Variants in DIPK1C observed in about 807,000 individuals in gnomAD.
DIPK1C encodes the protein familial non-conventional Alzheimer's dementia.
DIPK1C carries 33 observed loss-of-function variants against 28.0 expected under a neutral mutation model. The observed-to-expected ratio is 1.18, with a 90% CI of 0.89 to 1.58. The LOEUF (loss-of-function observed/expected upper bound fraction) is 1.58. DIPK1C is among the 40% of genes most tolerant of loss of function. The pLI is 0.00. For missense variants in DIPK1C, 569 were observed against 568.5 expected (o/e 1.00, Z -0.01); for synonymous variants, 255 against 248.8 (o/e 1.02, Z -0.23).
intron 1 of DIPK1C, among the ~76,000 whole-genome samples, chr18:74,451,106 A>G (rs1353945618): frequency 3.3e-5 from 5 of 152,160 alleles, no homozygotes; most frequent in Non-Finnish European, 7.4e-5. Context: ...TCTGAGCTCA[A>G]TTTTGAAAGC....
chr18:74,441,760 A>G (rs1986129792), intron 3 of DIPK1C, among the ~76,000 whole-genome samples, 192 bp downstream of exon 3: 1 of 152,128 alleles, frequency 6.6e-6, no homozygotes, highest in Admixed American at 6.5e-5. Flanking sequence ...CGCCTGACCA[A>G]CAACCCTGGG....
chr18:74,443,440 G>C (rs1986189859), intron 2 of DIPK1C, among the ~76,000 whole-genome samples: 1 of 152,122 alleles, frequency 6.6e-6, no homozygotes, highest in Non-Finnish European at 1.5e-5. Context: ...TTTCAAAAAG[G>C]GTTGCATTTG....
upstream of DIPK1C, chr18:74,457,357 G>T (rs1234031050): frequency 1.1e-6 from 1 of 898,272 alleles, no homozygotes; most frequent in Admixed American, 6.2e-5. Flanking sequence ...GGCGGGGAGG[G>T]GGAACGGGGG....
chr18:74,438,030 T>G (rs116424091), intron 3 of DIPK1C, among the ~76,000 whole-genome samples: 37 of 152,336 alleles, frequency 2.4e-4, no homozygotes, highest in African/African-American at 8.9e-4. Context: ...TAGCTGGGAC[T>G]ACAAGGGCAT....
intron 1 of DIPK1C, among the ~76,000 whole-genome samples, chr18:74,451,519 C>T (rs543023202): frequency 4.6e-5 from 7 of 152,266 alleles, no homozygotes; most frequent in East Asian, 1.9e-4. Context: ...CAAATCTATA[C>T]GAGATTTGCC....
upstream of DIPK1C, among the ~76,000 whole-genome samples, chr18:74,458,848 C>T (rs1986574447): frequency 6.6e-6 from 1 of 152,090 alleles, no homozygotes; most frequent in African/African-American, 2.4e-5. Context: ...CAATTCAAGG[C>T]CAAGCCTGCT....
chr18:74,444,456 C>A (rs568696949), intron 2 of DIPK1C, among the ~76,000 whole-genome samples: 5 of 152,226 alleles, frequency 3.3e-5, no homozygotes, highest in African/African-American at 7.2e-5. Flanking sequence ...AGGACCCACC[C>A]GCCGGGACTC....
chr18:74,441,258 C>T (rs1013450519), intron 3 of DIPK1C, among the ~76,000 whole-genome samples: 1 of 152,220 alleles, frequency 6.6e-6, no homozygotes, highest in Admixed American at 6.5e-5. Flanking sequence ...GCAACCAGGC[C>T]ATGGGGAAGG....
rs1035587861 is a variant in DIPK1C, at chr18:74,446,982, C to A, written c.500G>T (p.Ser167Ile). The change falls in exon 2 of 4, where the codon AGC becomes ATC. Residue 167 changes from serine to isoleucine, a missense_variant. Physicochemically the swap from Ser to Ile is moderately radical, Grantham distance 142. Transcript: ENST00000343998. ...SALGLELSNS[S>I]LGPWWPGRRG... ...CCTGCCCGGCCACCACGGCCCCAGGCTGCTGTTGGACAACTCCAGGCCCAG... is the reference window on the plus strand; with the variant it reads ...CCTGCCCGGCCACCACGGCCCCAGGATGCTGTTGGACAACTCCAGGCCCAG... 55 of 1,520,874 alleles carry A rather than the reference C, an allele frequency of 3.6e-5. No individual in the cohort carries two copies. The highest frequency in any genetic ancestry group is 4.6e-5 in the Non-Finnish European group (52 of 1,128,936). The allele number at this position is 1,520,874 out of a possible 1,614,324, so 94.2% of individuals were successfully genotyped here. A position where few individuals can be genotyped will look rare whatever the true frequency, so the allele number is the denominator to read the frequency against.
intron 2 of DIPK1C, among the ~76,000 whole-genome samples, chr18:74,442,505 A>AT (rs577921470): frequency 1.2e-3 from 173 of 147,168 alleles, no homozygotes; most frequent in South Asian, 4.2e-3. Context: ...ATTTTTTTGT[A>AT]TTTTTAGTAG....
intron 1 of DIPK1C, among the ~76,000 whole-genome samples, chr18:74,448,080 C>T (rs1986314075): frequency 6.6e-6 from 1 of 152,140 alleles, no homozygotes; most frequent in African/African-American, 2.4e-5. Flanking sequence ...GGCGACCTTC[C>T]CCACCACACC....
upstream of DIPK1C, among the ~76,000 whole-genome samples, chr18:74,458,723 G>A (rs952071528): frequency 6.7e-6 from 1 of 149,492 alleles, no homozygotes; most frequent in Non-Finnish European, 1.5e-5. Context: ...CCCAGCACAC[G>A]CCCAACCAGA....
intron 1 of DIPK1C, among the ~76,000 whole-genome samples, chr18:74,452,749 G>C (rs1986426674): frequency 6.6e-6 from 1 of 152,124 alleles, no homozygotes; most frequent in Non-Finnish European, 1.5e-5. Flanking sequence ...TCATGTTAAA[G>C]ATAATAGTAG....
intron 3 of DIPK1C, among the ~76,000 whole-genome samples, chr18:74,440,471 G>A (rs1364768423): frequency 6.6e-6 from 1 of 152,178 alleles, no homozygotes. Flanking sequence ...TTTCCCTGAA[G>A]CCTCAACTGT....
At chr18:74,457,911 C>T (rs1435273788), upstream of DIPK1C, 2 of 152,552 alleles carry the variant, frequency 1.3e-5, no homozygotes, top group Non-Finnish European at 2.9e-5. Flanking sequence ...AAACCCCCCG[C>T]CGTCTCCCAG....
At chr18:74,439,396 G>A (rs1208726985) in intron 3 of DIPK1C, among the ~76,000 whole-genome samples, 2 of 152,118 alleles carry the variant, frequency 1.3e-5, no homozygotes, top group Non-Finnish European at 2.9e-5. Context: ...TGGTCTACAA[G>A]GCCCCCTTTA....
chr18:74,435,580 C>G lies in DIPK1C; in HGVS notation c.*921G>C, dbSNP rs991464674. 1 of 152,184 alleles carries G rather than the reference C, an allele frequency of 6.6e-6. No homozygotes were observed. Among genetic ancestry groups the G allele is most frequent in the Non-Finnish European group, 1.5e-5 (1 of 68,032 alleles). 9.4% of individuals were successfully genotyped at this position (152,184 alleles called of 1,614,324 possible). On this transcript the variant is annotated 3_prime_UTR_variant, in exon 4 of 4. Transcript: ENST00000343998. ...AGGTGAAGACAATGCTGCATCAAGC[C>G]AACCTACAAGTCCCTGCCCAGGGGA...
At chr18:74,443,948 G>C (rs1210990626) in intron 2 of DIPK1C, among the ~76,000 whole-genome samples, 1 of 151,982 alleles carries the variant, frequency 6.6e-6, no homozygotes, top group Non-Finnish European at 1.5e-5. Context: ...ATCTCCCAGG[G>C]AGAGCCAGGT....
In DIPK1C at chr18:74,436,393, C is replaced by T. The variant is rs1207263520; in HGVS notation, c.*108G>A. The T allele has an allele frequency of 1.2e-5, 13 of 1,118,414 alleles. No homozygotes were observed. Among genetic ancestry groups the T allele is most frequent in the Non-Finnish European group, 1.6e-5 (13 of 800,820 alleles). 69.3% of individuals were successfully genotyped at this position (1,118,414 alleles called of 1,614,324 possible). A position where few individuals can be genotyped will look rare whatever the true frequency, so the allele number is the denominator to read the frequency against. ...CCACTCCACAATGTGGAGACCAGAA[C>T]GGCACCCCAGAGAGCACAGGGGAAA... is the stretch of plus-strand genomic sequence containing the variant. On this transcript the variant is annotated 3_prime_UTR_variant, in exon 4 of 4. Transcript: ENST00000343998.
Sources: gnomAD v4.1 joint callset for allele counts (sites outside exome capture counted in the v4.1 genomes callset) on GRCh38, gnomAD v4.1.1 for gene constraint, MANE v1.5 for transcripts, NCBI Gene and HGNC (gene_info 2026-07-23, HGNC 2026-07-21) for gene names.